The following REXO1 variants were observed in gnomAD, a reference collection of about 807,000 sequenced individuals.
REXO1 encodes the protein RNA exonuclease 1 homolog.
REXO1 carries 42 observed loss-of-function variants against 102.6 expected under a neutral mutation model. The observed-to-expected ratio is 0.41, with a 90% confidence interval of 0.32 to 0.53. The LOEUF (loss-of-function observed/expected upper bound fraction) is 0.53. REXO1 is among the 20% of genes least tolerant of loss of function. The pLI is 0.27. For missense variants in REXO1, 1,819 were observed against 1,732.5 expected (o/e 1.05, Z -0.89); for synonymous variants, 908 against 779.1 (o/e 1.17, Z -2.76).
chr19:1,841,324 C>T (rs1040043217), intron 1 of REXO1, among the ~76,000 whole-genome samples: 39 of 152,216 alleles, frequency 2.6e-4, no homozygotes, highest in Admixed American at 4.6e-4. Context: ...ACCCAGCGCT[C>T]CCCGGAAACC....
intron 1 of REXO1, among the ~76,000 whole-genome samples, chr19:1,843,163 G>C (rs969482140): frequency 6.6e-6 from 1 of 151,750 alleles, no homozygotes; most frequent in Admixed American, 6.6e-5. Flanking sequence ...CAGCTCCCCG[G>C]GCCCAGAGCC....
intron 1 of REXO1, among the ~76,000 whole-genome samples, chr19:1,829,191 G>T (rs1232175355): frequency 2.0e-5 from 3 of 152,242 alleles, no homozygotes; most frequent in African/African-American, 7.2e-5. Context: ...GGCTGAGCAG[G>T]GCCGGGGGAT....
chr19:1,837,011 A>G lies in REXO1; in HGVS notation c.158-8380T>C, dbSNP rs796110931. On this transcript the variant is annotated intron_variant, in intron 1 of 15. Coordinates refer to ENST00000170168, the MANE Select transcript of REXO1 (RefSeq NM_020695.4). ...AGATAAGCAAGACTACCCCCAACCTAGCCCCTGGGGGAGCCATCTGGGCGG... is the reference window on the plus strand; with the variant it reads ...AGATAAGCAAGACTACCCCCAACCTGGCCCCTGGGGGAGCCATCTGGGCGG... Among the ~76,000 whole-genome samples, 17 of 152,300 alleles carry G rather than the reference A, an allele frequency of 1.1e-4. 2 individuals carry two copies. The highest frequency in any genetic ancestry group is 4.1e-4 in the African/African-American group (17 of 41,578).
At chr19:1,836,656 G>C (rs567474755) in intron 1 of REXO1, among the ~76,000 whole-genome samples, 6 of 144,852 alleles carry the variant, frequency 4.1e-5, no homozygotes, top group South Asian at 2.2e-4. Context: ...TGAGACAGGA[G>C]AATCACTTGA....
At chr19:1,847,702 A>G (rs2011610519) in intron 1 of REXO1, among the ~76,000 whole-genome samples, 1 of 152,206 alleles carries the variant, frequency 6.6e-6, no homozygotes, top group Admixed American at 6.5e-5. Context: ...GACAAACACA[A>G]GAGACGATCC....
Position 1,821,579 on chromosome 19 carries a change from C to T in REXO1, c.2334G>A (p.Met778Ile). Residue 778 changes from methionine to isoleucine, a missense_variant, in exon 5 of 16, where the codon ATG (methionine) becomes ATA (isoleucine). By Grantham distance (10) the Met-to-Ile change is conservative. Coordinates refer to ENST00000170168, the MANE Select transcript of REXO1 (RefSeq NM_020695.4). The stretch of plus-strand genomic sequence containing the variant: ...TGATGGTGGTGGTAGTCTTGGACGC[C>T]ATCCCCGACAATGTGCGTGTTTTCA... ...QQLKTRTLSG[M>I]ASKTTTTIIP... The T allele has an allele frequency of 6.2e-7, 1 of 1,613,916 alleles. No individual in the cohort carries two copies. The highest frequency in any genetic ancestry group is 2.2e-5 in the East Asian group (1 of 44,858).
At chr19:1,821,482 T>C in intron 5 of REXO1, 37 bp downstream of exon 5, 1 of 1,611,110 alleles carries the variant, frequency 6.2e-7, no homozygotes, top group Non-Finnish European at 8.5e-7. Flanking sequence ...GGCGTGGTCT[T>C]GGGGGTGGTG....
intron 1 of REXO1, among the ~76,000 whole-genome samples, chr19:1,844,555 T>TC (rs1275520317): frequency 6.6e-6 from 1 of 152,108 alleles, no homozygotes; most frequent in African/African-American, 2.4e-5. Context: ...GCTTCAGGGC[T>TC]CCCCATGTAC....
chr19:1,816,735 C>T lies in REXO1; in HGVS notation c.3280G>A (p.Val1094Met), dbSNP rs1474202486. 4.3e-6 allele frequency: 7 copies of T among 1,612,842 alleles called. No homozygotes were observed. The highest frequency in any genetic ancestry group is 5.9e-6 in the Non-Finnish European group (7 of 1,179,932). Residue 1094 changes from valine (V) to methionine (M), a missense_variant, in exon 13 of 16, where the codon GTG (valine) becomes ATG (methionine). Val to Met is a conservative substitution (Grantham distance 21). Transcript: ENST00000170168. ...TCCACGATCTCGTTGTCAGGCTTCACGAAGGTGTCATAAACCACGTGCACG... is the reference window on the plus strand; with the variant it reads ...TCCACGATCTCGTTGTCAGGCTTCATGAAGGTGTCATAAACCACGTGCACG... ...TDVHVVYDTFVKPDNEIVDYN... is the reference protein window; with the variant it reads ...TDVHVVYDTFMKPDNEIVDYN...
chr19:1,831,341 AG>A (rs1936855817), intron 1 of REXO1, among the ~76,000 whole-genome samples: 2 of 152,212 alleles, frequency 1.3e-5, no homozygotes, highest in Non-Finnish European at 2.9e-5. Flanking sequence ...TCTTCCACTC[AG>A]AAAACCTGCC....
chr19:1,839,271 G>T (rs1390200737), intron 1 of REXO1, among the ~76,000 whole-genome samples: 1 of 125,214 alleles, frequency 8.0e-6, no homozygotes, highest in African/African-American at 3.3e-5. Flanking sequence ...AAAAAAAAAA[G>T]AGTCCAGCTC....
Position 1,825,775 on chromosome 19 carries a change from C to T in REXO1, c.2016+64G>A, listed in dbSNP as rs541561339. On this transcript the variant is annotated intron_variant, in intron 3 of 15. Coordinates refer to ENST00000170168, the MANE Select transcript of REXO1 (RefSeq NM_020695.4). ...ACAGGCGTGAGCCACCAAACCAGGC[C>T]AACCTCGTCTTTAAAAAAAAAAAAA... is the stretch of plus-strand genomic sequence containing the variant. The T allele has an allele frequency of 1.1e-5, 13 of 1,210,480 alleles. No homozygotes were observed. In the African/African-American group the frequency reaches 1.6e-4, roughly 15 times the overall value. The allele number at this position is 1,210,480 out of a possible 1,614,324, so 75.0% of individuals were successfully genotyped here. A position where few individuals can be genotyped will look rare whatever the true frequency, so the allele number is the denominator to read the frequency against.
intron 1 of REXO1, among the ~76,000 whole-genome samples, chr19:1,836,829 G>C (rs1005775854): frequency 4.0e-5 from 6 of 149,272 alleles, no homozygotes; most frequent in Non-Finnish European, 7.4e-5. Flanking sequence ...GGCTCTCAAC[G>C]CAACCAGGCA....
At position 1,825,892 on chromosome 19, in the gene REXO1, G is replaced by A. The variant is rs746907381; in HGVS notation, c.1963C>T (p.Leu655=). 10 of 1,613,340 alleles carry A rather than the reference G, an allele frequency of 6.2e-6. No homozygotes were observed. Among genetic ancestry groups the A allele is most frequent in the Non-Finnish European group, 8.5e-6 (10 of 1,179,884 alleles). The part of the protein sequence containing the change: ...EEKGLSGLTT[L]FPGQKRRISH... ...ATCCTCCTCTTCTGCCCGGGGAACA[G>A]AGTGGTCAGACCCGAAAGCCCCTTC... The change falls in exon 3 of 16, where the codon CTG becomes TTG. Residue 655 remains leucine, a synonymous_variant. Transcript: ENST00000170168.
intron 1 of REXO1, among the ~76,000 whole-genome samples, chr19:1,829,171 G>A (rs1001243940): frequency 4.7e-4 from 72 of 152,356 alleles, no homozygotes; most frequent in African/African-American, 1.6e-3. Flanking sequence ...CGGTGTGCCT[G>A]CGGTGATGTG....
rs1283752983 is a variant in REXO1, at chr19:1,819,985, T to C, written c.2599A>G (p.Thr867Ala). 1.9e-6 allele frequency: 3 copies of C among 1,594,998 alleles called. No individual in the cohort carries two copies. The highest frequency in any genetic ancestry group is 2.6e-6 in the Non-Finnish European group (3 of 1,174,028). Residue 867 changes from threonine to alanine, a missense_variant, in exon 7 of 16, where the codon ACC becomes GCC. Coordinates refer to ENST00000170168, the MANE Select transcript of REXO1 (RefSeq NM_020695.4). ...KNIYLNVAVNTLKKLRGLAPS... is the reference protein window; with the variant it reads ...KNIYLNVAVNALKKLRGLAPS... Reference sequence around the variant, plus strand: ...GCCAGGCCCCTGAGCTTCTTGAGGGTGTTCACGGCCACATTCAGGTAGATG... The same window carrying C: ...GCCAGGCCCCTGAGCTTCTTGAGGGCGTTCACGGCCACATTCAGGTAGATG...
chr19:1,823,612 CTT>C lies in REXO1; in HGVS notation c.2188_2189del (p.Lys730GlufsTer34). The C allele has an allele frequency of 7.6e-7, 1 of 1,323,572 alleles. No homozygotes were observed. Among genetic ancestry groups the C allele is most frequent in the Non-Finnish European group, 9.7e-7 (1 of 1,028,386 alleles). 82.0% of individuals were successfully genotyped at this position (1,323,572 alleles called of 1,614,324 possible). A position where few individuals can be genotyped will look rare whatever the true frequency, so the allele number is the denominator to read the frequency against. On this transcript the variant is annotated frameshift_variant, in exon 4 of 16. Coordinates refer to ENST00000170168, the MANE Select transcript of REXO1 (RefSeq NM_020695.4). LOFTEE classifies it high-confidence loss of function. ...GGTTGGGGATGTGGGCGATCCTCCT[CTT>C]CTCGCCAGGGGCGGAAATGTGGACG... ...PSVHISAPGE[K>X]RRIAHIPNPR... is the part of the protein sequence containing the mutation.
intron 1 of REXO1, among the ~76,000 whole-genome samples, chr19:1,832,109 G>A (rs967931366): frequency 6.6e-6 from 1 of 152,180 alleles, no homozygotes; most frequent in African/African-American, 2.4e-5. Context: ...CTTTAAAGAG[G>A]GAGGCAGGAG....
chr19:1,831,854 AAAAAAAAAAAAAAGAAAGAAAAAG>A (rs1248073268), intron 1 of REXO1, among the ~76,000 whole-genome samples: 17 of 97,104 alleles, frequency 1.8e-4, no homozygotes, highest in African/African-American at 4.4e-4. Flanking sequence ...TCAAAAAAAA[AAAAAAAAAAAAAAGAAAGAAAAAG>A]AAAAAGAAAA....
Sources: gnomAD v4.1 joint callset for allele counts (sites outside exome capture counted in the v4.1 genomes callset) on GRCh38, gnomAD v4.1.1 for gene constraint, MANE v1.5 for transcripts, NCBI Gene and HGNC (gene_info 2026-07-23, HGNC 2026-07-21) for gene names.